The following MRTFA variants were observed in gnomAD, a reference collection of about 807,000 sequenced individuals.
MRTFA encodes myocardin-related transcription factor A.
Under a neutral mutation model 83.5 loss-of-function variants are expected in MRTFA, and 20 were observed. That is an observed-to-expected ratio of 0.24 (90% CI 0.17 to 0.35). MRTFA has a LOEUF of 0.35. Among genes scored for constraint, MRTFA ranks in the 10% least tolerant of loss-of-function variants. MRTFA has a pLI of 1.00. For synonymous variants in MRTFA, 659 were observed against 541.2 expected, an observed-to-expected ratio of 1.22 and a Z score of -3.02; for missense variants, 1,200 against 1,224.7, an observed-to-expected ratio of 0.98 and a Z score of 0.30.
Position 40,410,779 on chromosome 22 carries a change from C to T in MRTFA, c.*611G>A, listed in dbSNP as rs765960309. ...GGAGTTGCACCCATCTCCTGTCCGCCCCCCCCCAAAAATATATATGTATGT... is the reference window on the plus strand; with the variant it reads ...GGAGTTGCACCCATCTCCTGTCCGCTCCCCCCCAAAAATATATATGTATGT... On this transcript the variant is annotated 3_prime_UTR_variant, in exon 15 of 15. Transcript: ENST00000355630. 2.0e-4 allele frequency: 46 copies of T among 232,058 alleles called. 1 individual carries two copies. The highest frequency in any genetic ancestry group is 1.0e-4 in the Non-Finnish European group (12 of 117,578). The allele number at this position is 232,058 out of a possible 1,614,324, so 14.4% of individuals were successfully genotyped here. A position where few individuals can be genotyped will look rare whatever the true frequency, so the allele number is the denominator to read the frequency against.
intron 3 of MRTFA, among the ~76,000 whole-genome samples, chr22:40,500,352 T>TC (rs914642712): frequency 6.7e-6 from 1 of 149,886 alleles, no homozygotes; most frequent in Admixed American, 6.6e-5. Context: ...TTTTTTATTT[T>TC]TTTTTTAACA....
At chr22:40,457,436 G>GAAAGAGAAAGAAAGAA (rs774183094) in intron 4 of MRTFA, among the ~76,000 whole-genome samples, 1 of 119,816 alleles carries the variant, frequency 8.3e-6, no homozygotes, top group Non-Finnish European at 1.7e-5. Flanking sequence ...AAGAAAGAAA[G>GAAAGAGAAAGAAAGAA]AGAAAGAAAG....
At chr22:40,607,728 G>C (rs2056335216) in intron 1 of MRTFA, among the ~76,000 whole-genome samples, 1 of 152,122 alleles carries the variant, frequency 6.6e-6, no homozygotes, top group Admixed American at 6.5e-5. Flanking sequence ...CCATTTCTAT[G>C]ATCACTAAGC....
chr22:40,594,030 T>C (rs530096686), intron 2 of MRTFA, among the ~76,000 whole-genome samples: 1 of 152,236 alleles, frequency 6.6e-6, no homozygotes, highest in Non-Finnish European at 1.5e-5. Flanking sequence ...ATAGCTCTTT[T>C]TGCAGGCACC....
chr22:40,630,223 G>A (rs913589073), intron 1 of MRTFA, among the ~76,000 whole-genome samples: 7 of 152,076 alleles, frequency 4.6e-5, no homozygotes, highest in Non-Finnish European at 1.0e-4. Flanking sequence ...AGCTGAGGCA[G>A]GAGAATCGCT....
intron 7 of MRTFA, among the ~76,000 whole-genome samples, chr22:40,428,812 C>G (rs2147089177): frequency 6.6e-6 from 1 of 152,262 alleles, no homozygotes; most frequent in African/African-American, 2.4e-5. Flanking sequence ...TCCCACCTCT[C>G]ATCTTGACAC....
chr22:40,599,814 G>A (rs1346541628), intron 1 of MRTFA, among the ~76,000 whole-genome samples: 3 of 151,778 alleles, frequency 2.0e-5, no homozygotes, highest in Non-Finnish European at 2.9e-5. Flanking sequence ...TAGGAGGATC[G>A]CTTGACCCCG....
chr22:40,433,558 A>G (rs2053110813), intron 5 of MRTFA: 1 of 159,134 alleles, frequency 6.3e-6, no homozygotes, highest in African/African-American at 2.4e-5. Flanking sequence ...GACATAGCTG[A>G]AGCCATTGTG....
chr22:40,486,540 T>C (rs2054177604), intron 3 of MRTFA, among the ~76,000 whole-genome samples: 1 of 152,198 alleles, frequency 6.6e-6, no homozygotes, highest in Non-Finnish European at 1.5e-5. Context: ...TTGCTTCTTT[T>C]CTAACCACAA....
intron 3 of MRTFA, among the ~76,000 whole-genome samples, chr22:40,498,184 C>T (rs1157717303): frequency 6.8e-6 from 1 of 147,594 alleles, no homozygotes; most frequent in Non-Finnish European, 1.5e-5. Context: ...ATATAGCATG[C>T]ACTTACAAAA....
chr22:40,617,517 G>T (rs1438735313), intron 1 of MRTFA, among the ~76,000 whole-genome samples: 1 of 151,998 alleles, frequency 6.6e-6, no homozygotes, highest in Non-Finnish European at 1.5e-5. Flanking sequence ...ACAAGGTCAG[G>T]AGATCGAGAC....
rs184207979 is a variant in MRTFA, at chr22:40,613,280, T to C, written c.-83-18545A>G. Reference sequence around the variant, plus strand: ...TTGTTTCCAATTTTTCCAGCTATTGTGAATAAAGCTGCTATGAACATTCAC... The same window carrying C: ...TTGTTTCCAATTTTTCCAGCTATTGCGAATAAAGCTGCTATGAACATTCAC... On this transcript the variant is annotated intron_variant, in intron 1 of 14. Coordinates refer to ENST00000355630, the MANE Select transcript of MRTFA (RefSeq NM_020831.6). 7.2e-5 allele frequency among the ~76,000 whole-genome samples: 11 copies of C among 152,380 alleles called. No individual in the cohort carries two copies. The East Asian group carries it at 1.5e-3, about 21-fold the overall frequency.
At chr22:40,612,556 T>C (rs561824319) in intron 1 of MRTFA, among the ~76,000 whole-genome samples, 11 of 152,320 alleles carry the variant, frequency 7.2e-5, no homozygotes, top group African/African-American at 2.6e-4. Flanking sequence ...GAAGTATAAT[T>C]TGCATACAAT....
chr22:40,611,647 C>A (rs1363551756), intron 1 of MRTFA, among the ~76,000 whole-genome samples: 1 of 152,144 alleles, frequency 6.6e-6, no homozygotes, highest in Admixed American at 6.6e-5. Context: ...GAATTCAGGG[C>A]AGCTTGACCA....
At position 40,635,880 on chromosome 22, in the gene MRTFA, C is replaced by T. The variant is rs536879653; in HGVS notation, c.-84+598G>A. ...TTGGGAGTCGACTCAAAAGGTCCAG[C>T]CCTAGGCACTATGGAGTATCAAAGG... On this transcript the variant is annotated intron_variant, in intron 1 of 14. Coordinates refer to ENST00000355630, the MANE Select transcript of MRTFA (RefSeq NM_020831.6). 5.3e-5 allele frequency among the ~76,000 whole-genome samples: 8 copies of T among 152,302 alleles called. No individual in the cohort carries two copies. The South Asian group carries it at 1.4e-3, about 28-fold the overall frequency.
At chr22:40,559,554 G>A (rs1303405181) in intron 2 of MRTFA, among the ~76,000 whole-genome samples, 1 of 151,984 alleles carries the variant, frequency 6.6e-6, no homozygotes, top group East Asian at 1.9e-4. Context: ...CTATAGGTGT[G>A]TGCCAACACA....
chr22:40,635,690 C>G (rs1419661397), intron 1 of MRTFA, among the ~76,000 whole-genome samples: 1 of 152,202 alleles, frequency 6.6e-6, no homozygotes, highest in East Asian at 1.9e-4. Context: ...CAAAAGCAAA[C>G]ATTTCTTGGG....
At chr22:40,627,254 C>T (rs779365805) in intron 1 of MRTFA, among the ~76,000 whole-genome samples, 2 of 152,132 alleles carry the variant, frequency 1.3e-5, no homozygotes, top group Non-Finnish European at 2.9e-5. Flanking sequence ...TCATGCACTA[C>T]AAGTGCATGT....
intron 2 of MRTFA, among the ~76,000 whole-genome samples, chr22:40,589,375 T>A (rs952987238): frequency 5.3e-5 from 8 of 152,216 alleles, no homozygotes; most frequent in African/African-American, 1.9e-4. Flanking sequence ...AAATGCCTAT[T>A]TAATCCTCAT....
Sources: gnomAD v4.1 joint callset for allele counts (sites outside exome capture counted in the v4.1 genomes callset) on GRCh38, gnomAD v4.1.1 for gene constraint, MANE v1.5 for transcripts, NCBI Gene and HGNC (gene_info 2026-07-23, HGNC 2026-07-21) for gene names.